DCPS: variants seen among roughly 807,000 people sequenced by gnomAD.
DCPS encodes the protein decapping enzyme, scavenger.
DCPS carries 27 observed loss-of-function variants against 34.7 expected under a neutral mutation model. The observed-to-expected ratio is 0.78, with a 90% CI of 0.57 to 1.07. DCPS has a LOEUF of 1.07. Among genes scored for constraint, DCPS ranks in the 50% least tolerant of loss-of-function variants. The pLI is 0.00. For missense variants in DCPS, 464 were observed against 436.9 expected (o/e 1.06, Z -0.55); for synonymous variants, 185 against 185.7 (o/e 1.00, Z 0.03).
Position 126,345,310 on chromosome 11 carries a change from A to G in DCPS, c.748-37A>G. 6.2e-7 allele frequency: 1 copy of G among 1,609,546 alleles called. No individual in the cohort carries two copies. The highest frequency in any genetic ancestry group is 8.5e-7 in the Non-Finnish European group (1 of 1,177,770). On this transcript the variant is annotated intron_variant, in intron 5 of 5. Transcript: ENST00000263579. This position sits in a 1 kb window ranked among gnomAD's most constrained non-coding sequence, Gnocchi z 7.4. ...GACATGGCGCCGGGCCTCAGGCAGC[A>G]CGGTGACTCCTGACCTGCCTGCCCC...
intron 2 of DCPS, among the ~76,000 whole-genome samples, chr11:126,330,583 C>G (rs184582821): frequency 6.6e-5 from 10 of 150,998 alleles, no homozygotes; most frequent in African/African-American, 2.4e-4. Flanking sequence ...GAATAAGGAG[C>G]AGGCAGAGCC....
intron 4 of DCPS, among the ~76,000 whole-genome samples, chr11:126,339,402 C>T (rs187344520): frequency 6.6e-6 from 1 of 152,276 alleles, no homozygotes; most frequent in Admixed American, 6.5e-5. Context: ...TCCGCGGGCT[C>T]GCTCCCTGTG....
Position 126,306,700 on chromosome 11 carries a change from A to T in DCPS, c.332A>T (p.Asp111Val). The T allele has an allele frequency of 1.2e-6, 2 of 1,613,470 alleles. No homozygotes were observed. The highest frequency in any genetic ancestry group is 1.7e-6 in the Non-Finnish European group (2 of 1,179,474). Reference sequence around the variant, plus strand: ...GAGCTCCAGTTGCAGTTCTCCAATGATATCTACAGCACCTATCACTTGTTC... The same window carrying T: ...GAGCTCCAGTTGCAGTTCTCCAATGTTATCTACAGCACCTATCACTTGTTC... ...SPELQLQFSN[D>V]IYSTYHLFPP... is the part of the protein sequence containing the mutation. The change falls in exon 2 of 6, where the codon GAT becomes GTT. Residue 111 changes from aspartate to valine, a missense_variant. Coordinates refer to ENST00000263579, the MANE Select transcript of DCPS (RefSeq NM_014026.6).
At chr11:126,306,518 A>T (rs753891805) in intron 1 of DCPS, 52 bp from the exon 2 acceptor site, 6 of 1,509,298 alleles carry the variant, frequency 4.0e-6, no homozygotes, top group Admixed American at 4.1e-5. Flanking sequence ...TGCTCTCCAG[A>T]GTCTCATCGT....
rs374644970 is a variant in DCPS at position 126,304,075 on chromosome 11, G to A, written c.-6G>A. The A allele has an allele frequency of 2.3e-5, 36 of 1,589,872 alleles. No homozygotes were observed. In the African/African-American group the frequency reaches 4.0e-4, roughly 18 times the overall value. Reference sequence around the variant, plus strand: ...GGGCGCAGGCGCACACCGCCTCCGCGGCAGCATGGCGGACGCAGCTCCTCA... The same window carrying A: ...GGGCGCAGGCGCACACCGCCTCCGCAGCAGCATGGCGGACGCAGCTCCTCA... On this transcript the variant is annotated 5_prime_UTR_variant, in exon 1 of 6. Coordinates refer to ENST00000263579, the MANE Select transcript of DCPS (RefSeq NM_014026.6).
At position 126,348,534 on chromosome 11, in the gene DCPS, C is replaced by A. The variant is rs1951958166; in HGVS notation, c.*2921C>A. On this transcript the variant is annotated 3_prime_UTR_variant, in exon 6 of 6. Coordinates refer to ENST00000263579, the MANE Select transcript of DCPS (RefSeq NM_014026.6). This position sits in a 1 kb window ranked among gnomAD's most constrained non-coding sequence, Gnocchi z 5.3. ...CTCCCTCAATCCAACCCTCTTTGGG[C>A]TTATCACCCTCAAGGTCTAGAGTGC... Among the ~76,000 whole-genome samples the A allele has an allele frequency of 6.6e-6, 1 of 152,238 alleles. No individual in the cohort carries two copies. Among genetic ancestry groups the A allele is most frequent in the Non-Finnish European group, 1.5e-5 (1 of 68,030 alleles).
intron 2 of DCPS, among the ~76,000 whole-genome samples, chr11:126,310,731 G>C (rs573241372): frequency 2.6e-5 from 4 of 152,360 alleles, no homozygotes; most frequent in African/African-American, 9.6e-5. Context: ...GGGAAGGCCA[G>C]CTAAGTCAGA....
In DCPS at chr11:126,329,177, C is replaced by T. The variant is rs1393983378; in HGVS notation, c.377-2228C>T. 6.6e-6 allele frequency among the ~76,000 whole-genome samples: 1 copy of T among 152,194 alleles called. No homozygotes were observed. Among genetic ancestry groups the T allele is most frequent in the African/African-American group, 2.4e-5 (1 of 41,452 alleles). ...TGACCTCTGACCTCTGGCCCATGAC[C>T]TATGACGCTGAGCTGTTAGAGAACA... On this transcript the variant is annotated intron_variant, in intron 2 of 5. Transcript: ENST00000263579. The surrounding 1 kb of genome is among the most constrained non-coding windows in gnomAD (Gnocchi z 5.0).
At position 126,343,407 on chromosome 11, in the gene DCPS, A is replaced by T; in HGVS notation, c.737A>T (p.His246Leu). 4 of 1,613,124 alleles carry T rather than the reference A, an allele frequency of 2.5e-6. 1 individual carries two copies. In the South Asian group the frequency reaches 4.4e-5, roughly 18 times the overall value. Residue 246 changes from histidine to leucine, a missense_variant, in exon 5 of 6, where the codon CAC (histidine) becomes CTC (leucine). Coordinates refer to ENST00000263579, the MANE Select transcript of DCPS (RefSeq NM_014026.6). ...EHLPLLRNIL[H>L]QGQEAILQRY... ...TTGCCGCTGCTCAGGAACATCCTCC[A>T]CCAGGGGCAGGTGAGTGGCTTCACC...
chr11:126,341,004 C>T (rs937969433), intron 4 of DCPS: 1 of 152,222 alleles, frequency 6.6e-6, no homozygotes, highest in Non-Finnish European at 1.5e-5. Flanking sequence ...CCCTTCCTTT[C>T]CCTTCCCCAA....
intron 2 of DCPS, among the ~76,000 whole-genome samples, chr11:126,308,155 G>A (rs1111930): frequency 0.2 from 30,364 of 152,222 alleles, 4,011 homozygotes; most frequent in East Asian, 0.64. Flanking sequence ...CAAAAGCCAG[G>A]TGTGACATGT....
intron 2 of DCPS, among the ~76,000 whole-genome samples, chr11:126,311,956 G>A (rs1290730350): frequency 2.0e-5 from 3 of 152,174 alleles, no homozygotes; most frequent in African/African-American, 4.8e-5. Flanking sequence ...TTGAGACGGA[G>A]TTTTGCTCTT....
In DCPS at chr11:126,304,104, A is replaced by G. The variant is rs773623495; in HGVS notation, c.24A>G (p.Leu8=). The G allele has an allele frequency of 1.2e-6, 2 of 1,611,670 alleles. No individual in the cohort carries two copies. The highest frequency in any genetic ancestry group is 8.5e-7 in the Non-Finnish European group (1 of 1,178,930). Reference sequence around the variant, plus strand: ...GCATGGCGGACGCAGCTCCTCAACTAGGCAAGAGGAAGCGCGAATTGGACG... The same window carrying G: ...GCATGGCGGACGCAGCTCCTCAACTGGGCAAGAGGAAGCGCGAATTGGACG... MADAAPQ[L]GKRKRELDVE... The change falls in exon 1 of 6, where the codon CTA becomes CTG. Residue 8 remains leucine, a synonymous_variant. Transcript: ENST00000263579.
At chr11:126,340,157 TC>T in intron 4 of DCPS, among the ~76,000 whole-genome samples, 1 of 152,248 alleles carries the variant, frequency 6.6e-6, no homozygotes, top group South Asian at 2.1e-4. Flanking sequence ...CAGTGGAACC[TC>T]CCTTTTTCTG....
In DCPS at chr11:126,348,845, C is replaced by T. The variant is rs1951962295; in HGVS notation, c.*3232C>T. On this transcript the variant is annotated 3_prime_UTR_variant, in exon 6 of 6. Transcript: ENST00000263579. The surrounding 1 kb of genome is among the most constrained non-coding windows in gnomAD (Gnocchi z 5.3). ...CAAAGCAACATTATAACACTACATT[C>T]ATATAGCAGATCATTTCATGACCCA... Among the ~76,000 whole-genome samples the T allele has an allele frequency of 6.6e-6, 1 of 152,240 alleles. No individual in the cohort carries two copies. Among genetic ancestry groups the T allele is most frequent in the Non-Finnish European group, 1.5e-5 (1 of 68,046 alleles).
rs1951952045 is a variant in DCPS, at chr11:126,347,911, A to T, written c.*2298A>T. On this transcript the variant is annotated 3_prime_UTR_variant, in exon 6 of 6. Transcript: ENST00000263579. This position sits in a 1 kb window ranked among gnomAD's most constrained non-coding sequence, Gnocchi z 4.2. Reference sequence around the variant, plus strand: ...ACCACAACTGCCACGGAGCAGAGGGAGGCCTCCCTGTGGAGCAGCCCTTCC... The same window carrying T: ...ACCACAACTGCCACGGAGCAGAGGGTGGCCTCCCTGTGGAGCAGCCCTTCC... 6.6e-6 allele frequency among the ~76,000 whole-genome samples: 1 copy of T among 152,108 alleles called. No individual in the cohort carries two copies.
chr11:126,324,019 A>G (rs1355647597), intron 2 of DCPS, among the ~76,000 whole-genome samples: 1 of 151,958 alleles, frequency 6.6e-6, no homozygotes, highest in African/African-American at 2.4e-5. Flanking sequence ...TTTTGTAGAG[A>G]TGGGGTTTCA....
In DCPS at chr11:126,337,523, C is replaced by T. The variant is rs1248989276; in HGVS notation, c.523-763C>T. 6.6e-6 allele frequency: 1 copy of T among 152,360 alleles called. No individual in the cohort carries two copies. The highest frequency in any genetic ancestry group is 2.4e-5 in the African/African-American group (1 of 41,442). The allele number at this position is 152,360 out of a possible 1,614,324, so 9.4% of individuals were successfully genotyped here. The stretch of plus-strand genomic sequence containing the variant: ...GGTCAACACAGGCCTGGGAAAGGTC[C>T]TCTGCAGACTGTTGACAGCAGCTGA... On this transcript the variant is annotated intron_variant, in intron 3 of 5. Coordinates refer to ENST00000263579, the MANE Select transcript of DCPS (RefSeq NM_014026.6). The surrounding 1 kb of genome is among the most constrained non-coding windows in gnomAD (Gnocchi z 5.3).
rs761184166 is a variant in DCPS, at chr11:126,348,151, G to T, written c.*2538G>T. ...TCACCCAACAGGACAGACGAGGCTG[G>T]CAGTCACAGCAGAGGGCAGGCACTC... On this transcript the variant is annotated 3_prime_UTR_variant, in exon 6 of 6. Transcript: ENST00000263579. The surrounding 1 kb of genome is among the most constrained non-coding windows in gnomAD (Gnocchi z 5.3). Among the ~76,000 whole-genome samples the T allele has an allele frequency of 1.3e-5, 2 of 152,192 alleles. No individual in the cohort carries two copies. The highest frequency in any genetic ancestry group is 2.9e-5 in the Non-Finnish European group (2 of 68,040).
Sources: allele counts gnomAD v4.1 joint callset (sites outside exome capture counted in the v4.1 genomes callset), GRCh38; gene constraint gnomAD v4.1.1; non-coding constraint Gnocchi (gnomAD v3.1); transcripts MANE v1.5; gene names NCBI Gene and HGNC (gene_info 2026-07-23, HGNC 2026-07-21).